CENPK: variants seen among roughly 807,000 people sequenced by gnomAD.
CENPK encodes the protein centromere protein K, also known as SoxLZ/Sox6-binding protein Solt.
A neutral mutation model predicts 40.9 loss-of-function variants in CENPK; 46 were observed. The observed-to-expected ratio is 1.13, with a 90% CI of 0.89 to 1.44. CENPK has a LOEUF of 1.44. CENPK is among the 40% of genes most tolerant of loss of function. The probability of loss-of-function intolerance (pLI) is 0.00; values close to 1 mark genes in which losing one functional copy is unlikely to be tolerated. For missense variants in CENPK, 288 were observed against 303.5 expected, an observed-to-expected ratio of 0.95 and a Z score of 0.38; for synonymous variants, 107 against 104.4, an observed-to-expected ratio of 1.02 and a Z score of -0.15.
intron 2 of CENPK, among the ~76,000 whole-genome samples, chr5:65,558,813 A>T (rs1751422344): frequency 6.6e-6 from 1 of 152,226 alleles, no homozygotes; most frequent in Admixed American, 6.5e-5. Flanking sequence ...ACTAGGGGAA[A>T]GAAGGTCAAG....
chr5:65,497,836 C>T, the CENPK span, among the ~76,000 whole-genome samples: 1 of 152,164 alleles, frequency 6.6e-6, no homozygotes, highest in Non-Finnish European at 1.5e-5. Context: ...TGCCATTGCA[C>T]TGCAGCCTGG....
the CENPK span, among the ~76,000 whole-genome samples, chr5:65,505,658 A>C: frequency 6.6e-6 from 1 of 152,272 alleles, no homozygotes; most frequent in East Asian, 1.9e-4. Flanking sequence ...AAACAAAGCA[A>C]AAACCTATGT....
At chr5:65,495,866 G>A in the CENPK span, among the ~76,000 whole-genome samples, 1 of 152,172 alleles carries the variant, frequency 6.6e-6, no homozygotes, top group Non-Finnish European at 1.5e-5. Context: ...AATACTCATT[G>A]TTGGCAAGGG....
chr5:65,563,133 C>T lies in CENPK; in HGVS notation c.-177G>A, dbSNP rs1343690787. The stretch of plus-strand genomic sequence containing the variant: ...TCACAAACTCCAGGTCGCCTAGGCG[C>T]TGCGCAGGAAGCGCTTGCCAGCCCC... On this transcript the variant is annotated 5_prime_UTR_variant, in exon 1 of 11. Coordinates refer to ENST00000396679, the MANE Select transcript of CENPK (RefSeq NM_022145.5). 6 of 762,732 alleles carry T rather than the reference C, an allele frequency of 7.9e-6. No homozygotes were observed. The highest frequency in any genetic ancestry group is 1.8e-5 in the African/African-American group (1 of 56,590). 47.2% of individuals were successfully genotyped at this position (762,732 alleles called of 1,614,324 possible).
chr5:65,552,819 A>C (rs1750323994), intron 3 of CENPK, among the ~76,000 whole-genome samples: 1 of 152,086 alleles, frequency 6.6e-6, no homozygotes, highest in African/African-American at 2.4e-5. Flanking sequence ...TATAAGTCAG[A>C]TAATTGGAAA....
At chr5:65,552,746 TAA>T (rs933524960) in intron 3 of CENPK, among the ~76,000 whole-genome samples, 197 bp from the exon 4 acceptor site, 11 of 144,530 alleles carry the variant, frequency 7.6e-5, no homozygotes, top group Admixed American at 4.1e-4. Flanking sequence ...ACATCACAAG[TAA>T]AAAGAGACAC....
At chr5:65,537,708 A>G (rs1316211100) in intron 6 of CENPK, among the ~76,000 whole-genome samples, 1 of 152,070 alleles carries the variant, frequency 6.6e-6, no homozygotes, top group African/African-American at 2.4e-5. Context: ...TTCATTTAGC[A>G]TGTTTTCAAG....
chr5:65,531,325 T>C (rs1265972164), intron 6 of CENPK, among the ~76,000 whole-genome samples: 1 of 151,836 alleles, frequency 6.6e-6, no homozygotes, highest in African/African-American at 2.4e-5. Context: ...AAATAATCAA[T>C]GGGTCAAAGA....
Position 65,552,563 on chromosome 5 carries a change from G to T in CENPK, c.112-14C>A. 1 of 1,506,178 alleles carries T rather than the reference G, an allele frequency of 6.6e-7. No individual in the cohort carries two copies. The highest frequency in any genetic ancestry group is 9.0e-7 in the Non-Finnish European group (1 of 1,116,928). 93.3% of individuals were successfully genotyped at this position (1,506,178 alleles called of 1,614,324 possible). A position where few individuals can be genotyped will look rare whatever the true frequency, so the allele number is the denominator to read the frequency against. On this transcript the variant is annotated splice_polypyrimidine_tract_variant and intron_variant, in intron 3 of 10. Coordinates refer to ENST00000396679, the MANE Select transcript of CENPK (RefSeq NM_022145.5). Reference sequence around the variant, plus strand: ...TTTATTCTGACACTTGATTTAAAAAGTAAAAAAAGGCAAGTCACACACGAT... The same window carrying T: ...TTTATTCTGACACTTGATTTAAAAATTAAAAAAAGGCAAGTCACACACGAT...
chr5:65,546,234 CCG>C (rs1491043981), intron 5 of CENPK, among the ~76,000 whole-genome samples: 1 of 125,816 alleles, frequency 7.9e-6, no homozygotes, highest in Non-Finnish European at 1.7e-5. Context: ...CCCTGCCCCC[CCG>C]CTCAGGTGAT....
Position 65,530,212 on chromosome 5 carries a change from T to C in CENPK, c.289-1013A>G, listed in dbSNP as rs138186712. On this transcript the variant is annotated intron_variant, in intron 6 of 10. Transcript: ENST00000396679. ...AATTTGTTGATCAATCATTGACTAT[T>C]AGGCACTGCTGAAGGAGGGATAGAT... Among the ~76,000 whole-genome samples, 9 of 152,216 alleles carry C rather than the reference T, an allele frequency of 5.9e-5. No individual in the cohort carries two copies. In the East Asian group the frequency reaches 1.7e-3, roughly 29 times the overall value.
At chr5:65,511,459 T>G in the CENPK span, among the ~76,000 whole-genome samples, 2 of 152,200 alleles carry the variant, frequency 1.3e-5, no homozygotes, top group African/African-American at 4.8e-5. Flanking sequence ...ACAGAAAGAC[T>G]GTCTTGCTAA....
the CENPK span, among the ~76,000 whole-genome samples, chr5:65,498,640 T>TC: frequency 2.7e-4 from 40 of 150,760 alleles, no homozygotes; most frequent in African/African-American, 9.0e-4. Context: ...TTTTCTTTTT[T>TC]TTTTTTTAGA....
chr5:65,541,329 G>T, intron 6 of CENPK: 1 of 453,858 alleles, frequency 2.2e-6, no homozygotes. Flanking sequence ...GGGACTGAGC[G>T]CTCAACCTGT....
At chr5:65,500,004 T>C in the CENPK span, among the ~76,000 whole-genome samples, 2 of 79,304 alleles carry the variant, frequency 2.5e-5, no homozygotes, top group African/African-American at 4.8e-5. Flanking sequence ...GAACTCATCA[T>C]TTTTTATGGC....
At chr5:65,514,094 TTGTTA>T (rs1343993365), downstream of CENPK, among the ~76,000 whole-genome samples, 1 of 152,128 alleles carries the variant, frequency 6.6e-6, no homozygotes, top group Non-Finnish European at 1.5e-5. Context: ...TTGTTATATA[TTGTTA>T]TATTAGATTT....
At chr5:65,525,730 A>T (rs1744586105) in intron 9 of CENPK, among the ~76,000 whole-genome samples, 1 of 152,182 alleles carries the variant, frequency 6.6e-6, no homozygotes, top group African/African-American at 2.4e-5. Context: ...ATCGGGCCCT[A>T]ATCCAATATG....
intron 1 of CENPK, among the ~76,000 whole-genome samples, chr5:65,561,939 T>C (rs1457489352): frequency 1.3e-5 from 2 of 152,118 alleles, no homozygotes; most frequent in Non-Finnish European, 1.5e-5. Context: ...AAAGTCTTTG[T>C]ACTTGTAGAG....
intron 6 of CENPK, among the ~76,000 whole-genome samples, chr5:65,536,056 T>C (rs923163115): frequency 6.6e-6 from 1 of 152,180 alleles, no homozygotes; most frequent in Non-Finnish European, 1.5e-5. Context: ...TCACTGAATA[T>C]ACAACAAAAT....
Sources: allele counts gnomAD v4.1 joint callset (sites outside exome capture counted in the v4.1 genomes callset), GRCh38; gene constraint gnomAD v4.1.1; transcripts MANE v1.5; gene names NCBI Gene and HGNC (gene_info 2026-07-23, HGNC 2026-07-21).